Variants in CASK observed in about 807,000 individuals in gnomAD.
CASK encodes peripheral plasma membrane protein CASK.
In CASK, 4 loss-of-function variants were observed where a neutral mutation model predicts 82.9. The observed-to-expected ratio is 0.05, with a 90% CI of 0.02 to 0.11. The LOEUF is 0.11. Among genes scored for constraint, CASK ranks in the 10% least tolerant of loss-of-function variants. CASK has a pLI of 1.00. For synonymous variants in CASK, 259 were observed against 253.5 expected (o/e 1.02, Z -0.20); for missense variants, 358 against 720.9 (o/e 0.50, Z 5.76).
At chrX:41,539,825 C>T (rs927105099) in intron 22 of CASK, among the ~76,000 whole-genome samples, 4 of 111,700 alleles carry the variant, frequency 3.6e-5, no homozygotes, top group Non-Finnish European at 5.6e-5. Flanking sequence ...CAGAAGAAAC[C>T]TGAAGAGATG....
chrX:41,920,046 G>A (rs1601978472), intron 1 of CASK, among the ~76,000 whole-genome samples: 2 of 112,251 alleles, frequency 1.8e-5, no homozygotes, highest in African/African-American at 6.5e-5. Flanking sequence ...CAAGTACACA[G>A]TGGGTGAGTG....
intron 4 of CASK, among the ~76,000 whole-genome samples, chrX:41,742,700 CAG>C (rs779701990): frequency 8.9e-6 from 1 of 112,173 alleles, no homozygotes; most frequent in South Asian, 3.7e-4. Flanking sequence ...ATCACAGAAT[CAG>C]AGAGGACGAA....
intron 5 of CASK, chrX:41,698,121 T>C (rs1255973619): frequency 9.0e-6 from 1 of 111,722 alleles, no homozygotes; most frequent in African/African-American, 3.3e-5. Context: ...ACCACATTCT[T>C]ATGGATCAAT....
chrX:41,778,101 A>C (rs2069399283), intron 3 of CASK, among the ~76,000 whole-genome samples: 2 of 112,238 alleles, frequency 1.8e-5, no homozygotes, highest in Non-Finnish European at 3.8e-5. Flanking sequence ...GAAATGGTCC[A>C]AAATGTTTGT....
chrX:41,720,346 C>G (rs1038922500), intron 5 of CASK, among the ~76,000 whole-genome samples: 11 of 112,461 alleles, frequency 9.8e-5, no homozygotes, highest in Non-Finnish European at 1.9e-4. Context: ...CTGGAGAGGG[C>G]AGGGGGCTCA....
intron 1 of CASK, among the ~76,000 whole-genome samples, chrX:41,889,981 C>T (rs917735224): frequency 3.6e-5 from 4 of 111,504 alleles, no homozygotes; most frequent in African/African-American, 1.3e-4. Context: ...TCCTTGTTGG[C>T]ATACCTTTTA....
chrX:41,676,644 G>GT (rs2147509208), intron 5 of CASK: 1 of 457,934 alleles, frequency 2.2e-6, no homozygotes, highest in East Asian at 3.7e-5. Flanking sequence ...TCACCATAAG[G>GT]TTTTGAACAG....
At chrX:41,554,069 C>T (rs1049475661) in intron 20 of CASK, among the ~76,000 whole-genome samples, 154 bp from the exon 21 acceptor site, 2 of 112,340 alleles carry the variant, frequency 1.8e-5, no homozygotes, top group African/African-American at 6.5e-5. Context: ...CAAAAAACTT[C>T]TACCGCTAGA....
At chrX:41,720,561 A>G (rs1338068736) in intron 5 of CASK, among the ~76,000 whole-genome samples, 1 of 112,184 alleles carries the variant, frequency 8.9e-6, no homozygotes, top group East Asian at 2.8e-4. Flanking sequence ...CAGCCTCCCA[A>G]TGCCCTGAGC....
intron 5 of CASK, among the ~76,000 whole-genome samples, chrX:41,734,584 T>G (rs1206939252): frequency 8.9e-6 from 1 of 112,318 alleles, no homozygotes; most frequent in African/African-American, 3.2e-5. Context: ...ATGCATGCCT[T>G]AATTAATACC....
rs1258172702 is a variant in CASK at position 41,709,849 on chromosome X, ATC to A, written c.429+29533_429+29534del. 3.6e-5 allele frequency among the ~76,000 whole-genome samples: 4 copies of A among 111,084 alleles called. No individual in the cohort carries two copies. In the East Asian group the frequency reaches 1.1e-3, roughly 31 times the overall value. ...TCTTCTTTCTCTTCCCTTGACATCT[ATC>A]TCTTTTTTTCCCCTTGATTAAGGAC... is the stretch of plus-strand genomic sequence containing the variant. On this transcript the variant is annotated intron_variant, in intron 5 of 26. Coordinates refer to ENST00000378163, the MANE Select transcript of CASK (RefSeq NM_001367721.1).
At chrX:41,889,876 T>G (rs924630977) in intron 1 of CASK, among the ~76,000 whole-genome samples, 1 of 111,616 alleles carries the variant, frequency 9.0e-6, no homozygotes, top group Non-Finnish European at 1.9e-5. Flanking sequence ...ACTGAGGGAA[T>G]GATCATAAAT....
intron 1 of CASK, among the ~76,000 whole-genome samples, chrX:41,857,761 C>G (rs1341400604): frequency 1.8e-5 from 2 of 112,117 alleles, no homozygotes; most frequent in African/African-American, 6.5e-5. Context: ...ACCAAGTACT[C>G]AGCAAAATAA....
At chrX:41,686,364 T>C (rs1237284217) in intron 5 of CASK, among the ~76,000 whole-genome samples, 1 of 110,560 alleles carries the variant, frequency 9.0e-6, no homozygotes, top group Non-Finnish European at 1.9e-5. Flanking sequence ...ATGCTGGGAT[T>C]ACAGGCGTGA....
In CASK at chrX:41,515,410, C is replaced by T. The variant is rs1180727025; in HGVS notation, c.*5010G>A. On this transcript the variant is annotated 3_prime_UTR_variant, in exon 27 of 27. Transcript: ENST00000378163. ...CTCTCTTTTTATCACTGAGACAATA[C>T]TTCAACACCTTTTATAAAAAGGCAA... The T allele has an allele frequency of 4.5e-5, 5 of 112,195 alleles. No individual in the cohort carries two copies. Among genetic ancestry groups the T allele is most frequent in the African/African-American group, 1.6e-4 (5 of 30,820 alleles). The allele number at this position is 112,195 out of a possible 1,213,427, so 9.2% of individuals were successfully genotyped here. A position where few individuals can be genotyped will look rare whatever the true frequency, so the allele number is the denominator to read the frequency against.
chrX:41,544,584 A>C (rs1411031910), intron 21 of CASK, among the ~76,000 whole-genome samples: 2 of 108,719 alleles, frequency 1.8e-5, no homozygotes, highest in Non-Finnish European at 3.8e-5. Flanking sequence ...AAAAAAAAAA[A>C]AACAAAAATG....
At chrX:41,530,963 G>C in intron 25 of CASK, 44 bp downstream of exon 25, 1 of 1,072,671 alleles carries the variant, frequency 9.3e-7, no homozygotes, top group African/African-American at 1.8e-5. Flanking sequence ...GTGCTTATTG[G>C]CATGCAGGCA....
chrX:41,823,137 ACTCTCAGCAGGTGGC>A (rs2070586959), intron 2 of CASK, among the ~76,000 whole-genome samples: 1 of 108,731 alleles, frequency 9.2e-6, no homozygotes, highest in South Asian at 4.1e-4. Flanking sequence ...CACCATGCCT[ACTCTCAGCAGGTGGC>A]TCTGCCTCCC....
At chrX:41,535,747 A>G (rs895453891) in intron 22 of CASK, among the ~76,000 whole-genome samples, 1 of 112,096 alleles carries the variant, frequency 8.9e-6, no homozygotes, top group African/African-American at 3.2e-5. Flanking sequence ...GCAAAAGTGG[A>G]GTTCTCTAAT....
Sources: allele counts gnomAD v4.1 joint callset (sites outside exome capture counted in the v4.1 genomes callset), GRCh38; gene constraint gnomAD v4.1.1; transcripts MANE v1.5; gene names NCBI Gene and HGNC (gene_info 2026-07-23, HGNC 2026-07-21).